The following RGS3 variants were observed in gnomAD, a reference collection of about 807,000 sequenced individuals.
The protein encoded by RGS3 is regulator of G-protein signalling 3.
A neutral mutation model predicts 132.6 loss-of-function variants in RGS3; 80 were observed. The observed-to-expected ratio is 0.60, with a 90% CI of 0.50 to 0.73. The LOEUF (loss-of-function observed/expected upper bound fraction) is 0.73, where lower values mean the gene tolerates loss of function less well. Ranked by LOEUF, RGS3 falls within the 30% of genes least tolerant of loss-of-function variation. The probability of loss-of-function intolerance (pLI) is 0.00; values close to 1 mark genes in which losing one functional copy is unlikely to be tolerated. For synonymous variants in RGS3, 598 were observed against 620.6 expected, an observed-to-expected ratio of 0.96 and a Z score of 0.54; for missense variants, 1,382 against 1,530.8, an observed-to-expected ratio of 0.90 and a Z score of 1.62.
At position 113,583,329 on chromosome 9, in the gene RGS3, G is replaced by A. The variant is rs4391497; in HGVS notation, c.2038-121G>A. Reference sequence around the variant, plus strand: ...TTTGGGGGTTCCATCTGGCACCTCAGCTTTCAGACTGGGGGCCCGGGGTTC... The same window carrying A: ...TTTGGGGGTTCCATCTGGCACCTCAACTTTCAGACTGGGGGCCCGGGGTTC... On this transcript the variant is annotated intron_variant, in intron 19 of 24. Transcript: ENST00000350696. 8 of 1,458,082 alleles carry A rather than the reference G, an allele frequency of 5.5e-6. No individual in the cohort carries two copies. The Admixed American group carries it at 1.3e-4, about 23-fold the overall frequency. The allele number at this position is 1,458,082 out of a possible 1,614,324, so 90.3% of individuals were successfully genotyped here.
intron 16 of RGS3, among the ~76,000 whole-genome samples, chr9:113,520,314 C>T (rs1454273371): frequency 6.6e-6 from 1 of 152,258 alleles, no homozygotes; most frequent in East Asian, 1.9e-4. Context: ...ACGCTTGCCC[C>T]TCTGCTCTGC....
rs745500733 is a variant in RGS3 at position 113,507,258 on chromosome 9, A to G, written c.1086-29A>G. On this transcript the variant is annotated intron_variant, in intron 12 of 24. Coordinates refer to ENST00000350696, the Ensembl canonical transcript of RGS3. The surrounding 1 kb of genome is among the most constrained non-coding windows in gnomAD (Gnocchi z 5.0). ...CTGATACTGGCTTTCCCCAGGCTCA[A>G]CCTGTCTGTGTGATCCCCCACCTTC... is the stretch of plus-strand genomic sequence containing the variant. The G allele has an allele frequency of 2.0e-5, 31 of 1,566,520 alleles. No homozygotes were observed. In the Middle Eastern group the frequency reaches 6.8e-4, roughly 34 times the overall value.
chr9:113,520,332 TGTGTG>T (rs1312238052), intron 16 of RGS3, among the ~76,000 whole-genome samples: 1 of 152,240 alleles, frequency 6.6e-6, no homozygotes, highest in African/African-American at 2.4e-5. Flanking sequence ...TGCCTCCAGC[TGTGTG>T]CCAGCTCTGG....
At chr9:113,445,201 G>T (rs868637443) in intron 1 of RGS3, among the ~76,000 whole-genome samples, 3,651 of 141,152 alleles carry the variant, frequency 0.026, 62 homozygotes, top group Admixed American at 0.038. Context: ...TTTTTTTTTT[G>T]TTTTTTGTTT....
rs759231676 is a variant in RGS3 at position 113,485,587 on chromosome 9, C to T, written c.621-38C>T. Reference sequence around the variant, plus strand: ...GAGTCAGCTATGGCCTGGAGCTCAGCCCTTACTAACACTCCGATGGTCTGA... The same window carrying T: ...GAGTCAGCTATGGCCTGGAGCTCAGTCCTTACTAACACTCCGATGGTCTGA... On this transcript the variant is annotated intron_variant, in intron 6 of 24. Coordinates refer to ENST00000350696, the Ensembl canonical transcript of RGS3. The T allele has an allele frequency of 1.1e-5, 17 of 1,537,028 alleles. No individual in the cohort carries two copies. The South Asian group carries it at 2.0e-4, about 18-fold the overall frequency.
At chr9:113,583,925 A>G (rs771779798) in exon 20 of RGS3, 1 of 1,613,870 alleles carries the variant, frequency 6.2e-7, no homozygotes, top group African/African-American at 1.3e-5. Context: ...AGCTCCGGGG[A>G]CCTACTAGCA....
In RGS3 at chr9:113,596,787, C is replaced by T. The variant is rs143869201; in HGVS notation, c.3431C>T (p.Thr1144Met). 7.4e-6 allele frequency: 12 copies of T among 1,611,546 alleles called. No individual in the cohort carries two copies. The South Asian group carries it at 7.7e-5, about 10-fold the overall frequency. ...CCCCAGGTCAACCTGGACTCCTACA[C>T]GCGGGAGCACACCAAGGACAACCTG... The change falls in exon 25 of 25, where the codon ACG (threonine) becomes ATG (methionine). Residue 1144 changes from threonine to methionine, a missense_variant. Transcript: ENST00000350696.
chr9:113,454,104 A>G (rs943574928), intron 1 of RGS3, among the ~76,000 whole-genome samples: 131 of 151,808 alleles, frequency 8.6e-4, no homozygotes, highest in African/African-American at 3.1e-3. Flanking sequence ...GTGAGCCACC[A>G]TACCTGGCGT....
At chr9:113,573,093 G>T (rs1335897296) in intron 19 of RGS3, among the ~76,000 whole-genome samples, 2 of 152,196 alleles carry the variant, frequency 1.3e-5, no homozygotes, top group Non-Finnish European at 2.9e-5. Flanking sequence ...TGTGATGTGG[G>T]TACTCAGTAT....
chr9:113,485,905 G>A (rs888416810), intron 7 of RGS3, among the ~76,000 whole-genome samples: 2 of 152,190 alleles, frequency 1.3e-5, no homozygotes, highest in East Asian at 1.9e-4. Context: ...CTGAGCACTC[G>A]GTATCAAACA....
intron 19 of RGS3, among the ~76,000 whole-genome samples, chr9:113,577,432 G>C (rs150156906): frequency 6.6e-6 from 1 of 152,332 alleles, no homozygotes; most frequent in African/African-American, 2.4e-5. Flanking sequence ...GATTGACCAT[G>C]GGGGTGGTCA....
intron 19 of RGS3, among the ~76,000 whole-genome samples, chr9:113,555,110 G>A (rs905686071): frequency 6.6e-6 from 1 of 152,042 alleles, no homozygotes; most frequent in African/African-American, 2.4e-5. Flanking sequence ...TCCACATATG[G>A]ATGGTTTGGT....
intron 19 of RGS3, among the ~76,000 whole-genome samples, chr9:113,569,746 G>A (rs185723528): frequency 6.6e-6 from 1 of 152,152 alleles, no homozygotes; most frequent in East Asian, 1.9e-4. Context: ...GTGCCAGGAT[G>A]TTCAGGTAAT....
At chr9:113,482,227 CTTTA>C (rs1392941285) in intron 4 of RGS3, among the ~76,000 whole-genome samples, 2 of 152,068 alleles carry the variant, frequency 1.3e-5, no homozygotes, top group Non-Finnish European at 2.9e-5. Context: ...CTCCCCTTGC[CTTTA>C]TTTATTATTA....
chr9:113,596,406 G>C (rs923403958), intron 24 of RGS3, among the ~76,000 whole-genome samples: 1 of 152,204 alleles, frequency 6.6e-6, no homozygotes, highest in Non-Finnish European at 1.5e-5. Context: ...ATCTTGCTTG[G>C]TTTTCACGCT....
exon 6 of RGS3, chr9:113,484,167 A>G: frequency 1.2e-6 from 2 of 1,612,362 alleles, no homozygotes; most frequent in Non-Finnish European, 1.7e-6. Flanking sequence ...ATAGTAGACT[A>G]CGCCACCAGA....
chr9:113,576,096 G>T (rs10981832), intron 19 of RGS3, among the ~76,000 whole-genome samples: 17,992 of 151,762 alleles, frequency 0.12, 1,276 homozygotes, highest in African/African-American at 0.19. Flanking sequence ...GCTACTTGGG[G>T]GGCTGAGGCA....
At chr9:113,593,937 A>G in intron 21 of RGS3, 1 of 1,604,390 alleles carries the variant, frequency 6.2e-7, no homozygotes, top group South Asian at 1.1e-5. Context: ...CGAGGAGGCC[A>G]GTCACAAATA....
rs1196263167 is a variant in RGS3, at chr9:113,507,705, A to C, written c.1437+67A>C. On this transcript the variant is annotated intron_variant, in intron 13 of 24. Coordinates refer to ENST00000350696, the Ensembl canonical transcript of RGS3. This position sits in a 1 kb window ranked among gnomAD's most constrained non-coding sequence, Gnocchi z 5.0. Reference sequence around the variant, plus strand: ...CCTGTGGGAGGCCAGGAAGACTTGAAGACCCAAAGTTGTGTGATGAGCAGC... The same window carrying C: ...CCTGTGGGAGGCCAGGAAGACTTGACGACCCAAAGTTGTGTGATGAGCAGC... The C allele has an allele frequency of 7.6e-7, 1 of 1,320,578 alleles. No homozygotes were observed. Among genetic ancestry groups the C allele is most frequent in the African/African-American group, 1.5e-5 (1 of 67,420 alleles). 81.8% of individuals were successfully genotyped at this position (1,320,578 alleles called of 1,614,324 possible). A position where few individuals can be genotyped will look rare whatever the true frequency, so the allele number is the denominator to read the frequency against.
Sources: gnomAD v4.1 joint callset for allele counts (sites outside exome capture counted in the v4.1 genomes callset) on GRCh38, gnomAD v4.1.1 for gene constraint, Gnocchi (gnomAD v3.1) non-coding constraint, MANE v1.5 for transcripts, NCBI Gene and HGNC (gene_info 2026-07-23, HGNC 2026-07-21) for gene names.